The following SLIT2 variants were observed in gnomAD, a reference collection of about 807,000 sequenced individuals.
The protein encoded by SLIT2 is slit guidance ligand 2.
In SLIT2, 41 loss-of-function variants were observed where a neutral mutation model predicts 185.7. The ratio of observed to expected loss-of-function variants is 0.22; its 90% CI spans 0.17 to 0.29. The LOEUF (loss-of-function observed/expected upper bound fraction) is 0.29. Ranked by LOEUF, SLIT2 falls within the 10% of genes least tolerant of loss-of-function variation. The pLI is 1.00. For missense variants in SLIT2, 1,571 were observed against 1,909.0 expected, an observed-to-expected ratio of 0.82 and a Z score of 3.30; for synonymous variants, 693 against 680.2, an observed-to-expected ratio of 1.02 and a Z score of -0.29.
At chr4:20,339,085 A>G (rs6831028) in intron 4 of SLIT2, among the ~76,000 whole-genome samples, 1 of 113,038 alleles carries the variant, frequency 8.8e-6, no homozygotes, top group African/African-American at 3.2e-5. Flanking sequence ...AAAGTGAGAC[A>G]CTCTCAAAAA....
chr4:20,587,938 TC>T (rs1245441540), intron 29 of SLIT2, among the ~76,000 whole-genome samples: 1 of 152,210 alleles, frequency 6.6e-6, no homozygotes, highest in Admixed American at 6.5e-5. Context: ...TCTCAAATGG[TC>T]CTTCTTTACT....
At chr4:20,417,266 A>G (rs1727755050) in intron 4 of SLIT2, among the ~76,000 whole-genome samples, 1 of 151,444 alleles carries the variant, frequency 6.6e-6, no homozygotes, top group Non-Finnish European at 1.5e-5. Context: ...ATTTTTGTCC[A>G]TAGTCTCATG....
chr4:20,549,149 A>G (rs1336305329), intron 24 of SLIT2, 21 bp downstream of exon 24: 2 of 1,442,796 alleles, frequency 1.4e-6, no homozygotes, highest in Non-Finnish European at 1.9e-6. Flanking sequence ...TGTGTTCAAC[A>G]GAATATCTCT....
At chr4:20,432,216 C>T (rs962292119) in intron 4 of SLIT2, among the ~76,000 whole-genome samples, 1 of 152,136 alleles carries the variant, frequency 6.6e-6, no homozygotes, top group African/African-American at 2.4e-5. Flanking sequence ...TAGGACAAAA[C>T]CACTGGACCT....
intron 4 of SLIT2, among the ~76,000 whole-genome samples, chr4:20,351,505 A>G (rs1043386041): frequency 3.9e-5 from 6 of 152,176 alleles, no homozygotes; most frequent in African/African-American, 1.4e-4. Flanking sequence ...GAAGAACCCA[A>G]CACTTATATG....
Position 20,541,554 on chromosome 4 carries a change from A to G in SLIT2, c.2078A>G (p.Lys693Arg). 1 of 1,614,056 alleles carries G rather than the reference A, an allele frequency of 6.2e-7. No homozygotes were observed. Among genetic ancestry groups the G allele is most frequent in the Non-Finnish European group, 8.5e-7 (1 of 1,179,940 alleles). Residue 693 changes from lysine to arginine, a missense_variant, in exon 20 of 37, where the codon AAA becomes AGA. Lys to Arg is a conservative substitution (Grantham distance 26). This residue lies in a region of SLIT2 where 1,202 missense variants were observed against 1,416.4 expected (regional missense o/e 0.85). Coordinates refer to ENST00000504154, the MANE Select transcript of SLIT2 (RefSeq NM_004787.4). The part of the protein sequence containing the change: ...RIVTGNPRCQ[K>R]PYFLKEIPIQ... ...GTCACGGGAAATCCTAGATGTCAAA[A>G]ACCATACTTCCTGAAAGAAATACCC...
At chr4:20,409,779 G>A (rs570974051) in intron 4 of SLIT2, among the ~76,000 whole-genome samples, 2 of 152,236 alleles carry the variant, frequency 1.3e-5, no homozygotes, top group East Asian at 3.9e-4. Context: ...GGTGTGAGAT[G>A]ATATCTCATT....
At chr4:20,384,818 A>G (rs925434816) in intron 4 of SLIT2, among the ~76,000 whole-genome samples, 7 of 152,154 alleles carry the variant, frequency 4.6e-5, no homozygotes, top group Non-Finnish European at 1.0e-4. Flanking sequence ...ATTCATATGT[A>G]TATGCTTTAT....
At chr4:20,330,172 T>C (rs1205782859) in intron 4 of SLIT2, among the ~76,000 whole-genome samples, 1 of 152,072 alleles carries the variant, frequency 6.6e-6, no homozygotes, top group Non-Finnish European at 1.5e-5. Flanking sequence ...CAATTTATTC[T>C]GTGGTTTTTT....
At chr4:20,493,467 G>A (rs1717963316) in intron 9 of SLIT2, among the ~76,000 whole-genome samples, 1 of 152,162 alleles carries the variant, frequency 6.6e-6, no homozygotes, top group Non-Finnish European at 1.5e-5. Context: ...TCCATCAAGT[G>A]GTTAGCAAAT....
At position 20,331,901 on chromosome 4, in the gene SLIT2, T is replaced by C. The variant is rs1577447084; in HGVS notation, c.395+63020T>C. 2.0e-5 allele frequency among the ~76,000 whole-genome samples: 3 copies of C among 152,190 alleles called. No homozygotes were observed. In the South Asian group the frequency reaches 6.2e-4, roughly 32 times the overall value. ...ATGTGGCCTTTTGTGAATGGCTTCT[T>C]TCACTTAGCAAATATTTTCAATGTT... On this transcript the variant is annotated intron_variant, in intron 4 of 36. Coordinates refer to ENST00000504154, the MANE Select transcript of SLIT2 (RefSeq NM_004787.4).
chr4:20,383,256 T>C (rs1017484537), intron 4 of SLIT2, among the ~76,000 whole-genome samples: 1 of 152,022 alleles, frequency 6.6e-6, no homozygotes, highest in African/African-American at 2.4e-5. Flanking sequence ...ACATTCGTCC[T>C]CTCCAAAAGA....
chr4:20,551,983 A>G (rs1461896581), intron 25 of SLIT2, among the ~76,000 whole-genome samples: 2 of 152,246 alleles, frequency 1.3e-5, no homozygotes, highest in African/African-American at 2.4e-5. Context: ...ACATCAGTCT[A>G]TCAGACTGGT....
chr4:20,590,464 G>A (rs757972374), intron 30 of SLIT2, among the ~76,000 whole-genome samples: 19 of 152,166 alleles, frequency 1.2e-4, no homozygotes, highest in Non-Finnish European at 2.6e-4. Context: ...ACTATCCAAG[G>A]TGAGAAAGAT....
At chr4:20,288,445 C>T (rs1290372200) in intron 4 of SLIT2, among the ~76,000 whole-genome samples, 2 of 152,228 alleles carry the variant, frequency 1.3e-5, no homozygotes, top group Non-Finnish European at 2.9e-5. Context: ...TGCATGTGCT[C>T]TGCACGTGTG....
chr4:20,274,192 G>C (rs1713935341), intron 4 of SLIT2, among the ~76,000 whole-genome samples: 1 of 152,162 alleles, frequency 6.6e-6, no homozygotes, highest in Admixed American at 6.5e-5. Context: ...AGAAAACTTA[G>C]AAAAGTGTTC....
intron 9 of SLIT2, among the ~76,000 whole-genome samples, chr4:20,500,581 T>C (rs1011668001): frequency 4.6e-5 from 7 of 152,174 alleles, no homozygotes; most frequent in Non-Finnish European, 4.4e-5. Context: ...AAAAAGTGTC[T>C]TGTATCATAC....
chr4:20,589,896 T>A (rs892114518), intron 30 of SLIT2, among the ~76,000 whole-genome samples, 159 bp downstream of exon 30: 1 of 147,674 alleles, frequency 6.8e-6, no homozygotes, highest in African/African-American at 2.5e-5. Context: ...ATATACAATA[T>A]GGACTTTTTT....
At chr4:20,368,219 C>CAAAAAAAA (rs71653879) in intron 4 of SLIT2, among the ~76,000 whole-genome samples, 173 of 107,334 alleles carry the variant, frequency 1.6e-3, no homozygotes, top group Middle Eastern at 5.9e-3. Context: ...CACAAAATAG[C>CAAAAAAAA]AAAAAAAAAA....
Sources: gnomAD v4.1 joint callset for allele counts (sites outside exome capture counted in the v4.1 genomes callset) on GRCh38, gnomAD v4.1.1 for gene constraint, gnomAD v4.1.1 regional missense constraint, MANE v1.5 for transcripts, NCBI Gene and HGNC (gene_info 2026-07-23, HGNC 2026-07-21) for gene names.